The following PIK3C2G variants were observed in gnomAD, a reference collection of about 807,000 sequenced individuals.
PIK3C2G encodes the protein phosphatidylinositol-4-phosphate 3-kinase catalytic subunit type 2 gamma.
PIK3C2G carries 168 observed loss-of-function variants against 181.1 expected under a neutral mutation model. The observed-to-expected ratio is 0.93, with a 90% CI of 0.82 to 1.05. The LOEUF is 1.05. PIK3C2G is among the 50% of genes least tolerant of loss of function. The pLI is 0.00. For synonymous variants in PIK3C2G, 573 were observed against 592.2 expected (o/e 0.97, Z 0.47); for missense variants, 1,869 against 1,732.8 (o/e 1.08, Z -1.40).
intron 29 of PIK3C2G, among the ~76,000 whole-genome samples, chr12:18,573,287 A>G (rs928344113): frequency 5.3e-5 from 8 of 152,168 alleles, no homozygotes; most frequent in Non-Finnish European, 7.3e-5. Context: ...TTCGAAACTG[A>G]ACTATAGCCT....
chr12:18,414,188 G>T (rs1945037874), intron 16 of PIK3C2G, among the ~76,000 whole-genome samples: 1 of 152,104 alleles, frequency 6.6e-6, no homozygotes, highest in South Asian at 2.1e-4. Context: ...AAGGGCATAT[G>T]ATTTGAAGCT....
At chr12:18,695,820 G>A in the PIK3C2G span, among the ~76,000 whole-genome samples, 5 of 152,118 alleles carry the variant, frequency 3.3e-5, no homozygotes, top group Non-Finnish European at 5.9e-5. Context: ...GATTTGAAGA[G>A]GCCTTGAGCA....
At chr12:18,363,699 G>A (rs1246458637) in intron 12 of PIK3C2G, among the ~76,000 whole-genome samples, 1 of 152,092 alleles carries the variant, frequency 6.6e-6, no homozygotes, top group Admixed American at 6.6e-5. Flanking sequence ...TTAGAAGACA[G>A]TTTGACTCCC....
At chr12:18,725,226 C>T in the PIK3C2G span, among the ~76,000 whole-genome samples, 1 of 151,912 alleles carries the variant, frequency 6.6e-6, no homozygotes, top group South Asian at 2.1e-4. Context: ...AGGAAAGCAA[C>T]AAGGAGCAAG....
intron 26 of PIK3C2G, among the ~76,000 whole-genome samples, chr12:18,548,045 TCCTTC>T (rs990587835): frequency 6.6e-6 from 1 of 151,826 alleles, no homozygotes; most frequent in African/African-American, 2.4e-5. Context: ...AGGAACTTAC[TCCTTC>T]CCCTCTGACT....
intron 31 of PIK3C2G, 95 bp downstream of exon 31, chr12:18,609,724 T>C (rs1171950738): frequency 4.3e-6 from 3 of 701,284 alleles, no homozygotes; most frequent in Admixed American, 5.0e-5. Flanking sequence ...GCTAGAAGAA[T>C]GGGTATCTCC....
At chr12:18,711,311 A>G in the PIK3C2G span, among the ~76,000 whole-genome samples, 2 of 141,858 alleles carry the variant, frequency 1.4e-5, no homozygotes, top group African/African-American at 5.3e-5. Flanking sequence ...GCATGTTCTC[A>G]CTCATAGGTG....
chr12:18,394,802 C>A (rs1203254419), intron 15 of PIK3C2G, among the ~76,000 whole-genome samples: 1 of 151,632 alleles, frequency 6.6e-6, no homozygotes, highest in African/African-American at 2.4e-5. Context: ...CGCCTTGTAA[C>A]CTGAGGGACA....
chr12:18,573,549 C>T (rs2136386871), intron 29 of PIK3C2G, among the ~76,000 whole-genome samples: 1 of 152,334 alleles, frequency 6.6e-6, no homozygotes, highest in South Asian at 2.1e-4. Context: ...GAATTTGTGC[C>T]TTCCTTCCAG....
intron 30 of PIK3C2G, among the ~76,000 whole-genome samples, chr12:18,597,915 G>A (rs1371677673): frequency 3.3e-5 from 5 of 152,044 alleles, no homozygotes; most frequent in African/African-American, 7.2e-5. Context: ...CAAAGATAAT[G>A]AAATACCTAG....
At chr12:18,391,302 T>G (rs1403771256) in intron 15 of PIK3C2G, 50 bp downstream of exon 15, 1 of 1,412,846 alleles carries the variant, frequency 7.1e-7, no homozygotes, top group Non-Finnish European at 9.5e-7. Flanking sequence ...GTTTATGATT[T>G]CCTCAATCAT....
the PIK3C2G span, chr12:18,694,849 A>G: frequency 7.8e-7 from 1 of 1,282,238 alleles, no homozygotes; most frequent in South Asian, 1.4e-5. Context: ...CAAAATACTA[A>G]TGTACACTAT....
chr12:18,454,002 GT>G (rs1359941376), intron 18 of PIK3C2G, among the ~76,000 whole-genome samples: 10 of 152,042 alleles, frequency 6.6e-5, no homozygotes, highest in African/African-American at 2.4e-4. Flanking sequence ...AAATGCCTTT[GT>G]ACACCTATCT....
the PIK3C2G span, among the ~76,000 whole-genome samples, chr12:18,708,767 T>C: frequency 3.9e-5 from 6 of 152,316 alleles, no homozygotes; most frequent in East Asian, 1.2e-3. Context: ...TGACTAATAA[T>C]GTTGAGTACC....
downstream of PIK3C2G, among the ~76,000 whole-genome samples, chr12:18,650,720 A>ATATATATATC (rs1950462450): frequency 1.9e-4 from 2 of 10,588 alleles, no homozygotes; most frequent in Non-Finnish European, 3.4e-4. Context: ...ATCTATATAT[A>ATATATATATC]TATATATATA....
chr12:18,721,980 A>G, the PIK3C2G span, among the ~76,000 whole-genome samples: 1 of 151,960 alleles, frequency 6.6e-6, no homozygotes, highest in Non-Finnish European at 1.5e-5. Context: ...CAGTCTCTCC[A>G]AACTCATCTC....
chr12:18,683,279 T>A, the PIK3C2G span: 1 of 1,612,624 alleles, frequency 6.2e-7, no homozygotes, highest in Non-Finnish European at 8.5e-7. Flanking sequence ...TGAAGCAGGC[T>A]CAAGGCTCTC....
chr12:18,464,360 A>G (rs1249711453), intron 18 of PIK3C2G, among the ~76,000 whole-genome samples: 1 of 151,994 alleles, frequency 6.6e-6, no homozygotes, highest in Non-Finnish European at 1.5e-5. Flanking sequence ...ATCACTTCCC[A>G]AAGTCCCTAC....
chr12:18,292,230 A>AAAAAAAAAAAAAAAAAAAAAAC (rs1949741007), intron 4 of PIK3C2G, among the ~76,000 whole-genome samples: 1 of 98,350 alleles, frequency 1.0e-5, no homozygotes, highest in African/African-American at 3.9e-5. Context: ...AAAAAAAAAT[A>AAAAAAAAAAAAAAAAAAAAAAC]TATATATATA....
Sources: gnomAD v4.1 joint callset for allele counts (sites outside exome capture counted in the v4.1 genomes callset) on GRCh38, gnomAD v4.1.1 for gene constraint, MANE v1.5 for transcripts, NCBI Gene and HGNC (gene_info 2026-07-23, HGNC 2026-07-21) for gene names.